RAB5A: variants seen among roughly 807,000 people sequenced by gnomAD.
RAB5A encodes the protein ras-related protein Rab-5A.
A neutral mutation model predicts 25.7 loss-of-function variants in RAB5A; 8 were observed. The ratio of observed to expected loss-of-function variants is 0.31; its 90% confidence interval spans 0.18 to 0.56. The LOEUF is 0.56. Ranked by LOEUF, RAB5A falls within the 20% of genes least tolerant of loss-of-function variation. RAB5A has a pLI of 0.91. For missense variants in RAB5A, 192 were observed against 259.7 expected (o/e 0.74, Z 1.79); for synonymous variants, 98 against 89.8 (o/e 1.09, Z -0.52).
chr3:19,965,564 C>G (rs1049566035), intron 2 of RAB5A, among the ~76,000 whole-genome samples: 7 of 152,130 alleles, frequency 4.6e-5, no homozygotes, highest in African/African-American at 1.7e-4. Context: ...GCATTGACTT[C>G]TCAATATCCT....
At chr3:19,974,217 C>T (rs1298512973) in intron 2 of RAB5A, among the ~76,000 whole-genome samples, 1 of 149,770 alleles carries the variant, frequency 6.7e-6, no homozygotes, top group Admixed American at 6.7e-5. Flanking sequence ...TGCAGTGGTG[C>T]GATCTCAGCT....
rs1187745243 is a variant in RAB5A at position 19,974,569 on chromosome 3, T to A, written c.164-1032T>A. ...TATTGAATCAACTGAACAAATTAAATCTAGGTTAAGGTAATAATGACTACC... is the reference window on the plus strand; with the variant it reads ...TATTGAATCAACTGAACAAATTAAAACTAGGTTAAGGTAATAATGACTACC... On this transcript the variant is annotated intron_variant, in intron 2 of 5. Coordinates refer to ENST00000273047, the MANE Select transcript of RAB5A (RefSeq NM_004162.5). Among the ~76,000 whole-genome samples, 3 of 151,874 alleles carry A rather than the reference T, an allele frequency of 2.0e-5. No homozygotes were observed. In the East Asian group the frequency reaches 5.8e-4, roughly 29 times the overall value.
Position 19,984,119 on chromosome 3 carries a change from G to A in RAB5A, c.*296G>A. On this transcript the variant is annotated 3_prime_UTR_variant, in exon 6 of 6. Coordinates refer to ENST00000273047, the MANE Select transcript of RAB5A (RefSeq NM_004162.5). The stretch of plus-strand genomic sequence containing the variant: ...TAGGAATATAGACAAATGACTGTCT[G>A]GGCCCACACAGTTAACCAGCCCATT... 2.4e-6 allele frequency: 1 copy of A among 410,218 alleles called. No individual in the cohort carries two copies. The highest frequency in any genetic ancestry group is 4.0e-5 in the Admixed American group (1 of 24,868). 25.4% of individuals were successfully genotyped at this position (410,218 alleles called of 1,614,324 possible). A position where few individuals can be genotyped will look rare whatever the true frequency, so the allele number is the denominator to read the frequency against.
chr3:19,971,477 GGTT>G (rs903046324), intron 2 of RAB5A, among the ~76,000 whole-genome samples: 5 of 151,892 alleles, frequency 3.3e-5, no homozygotes, highest in East Asian at 3.9e-4. Flanking sequence ...TGGTGGTGGT[GGTT>G]GTTGTTTTGA....
chr3:19,973,459 C>CT (rs1481938036), intron 2 of RAB5A, among the ~76,000 whole-genome samples: 2 of 150,274 alleles, frequency 1.3e-5, no homozygotes, highest in African/African-American at 4.9e-5. Flanking sequence ...TCCTCTTTTC[C>CT]TTTTTGGTAA....
chr3:19,975,461 CT>C (rs1199735908), intron 2 of RAB5A, 139 bp from the exon 3 acceptor site: 35 of 734,650 alleles, frequency 4.8e-5, no homozygotes, highest in Non-Finnish European at 6.6e-5. Flanking sequence ...TCATTTATTA[CT>C]TTTAACTGAC....
At chr3:19,950,290 A>G (rs138383484) in intron 1 of RAB5A, among the ~76,000 whole-genome samples, 69 of 152,320 alleles carry the variant, frequency 4.5e-4, no homozygotes, top group Middle Eastern at 3.4e-3. Flanking sequence ...CGTTTAACAG[A>G]AAACTTCAAA....
intron 2 of RAB5A, among the ~76,000 whole-genome samples, chr3:19,962,111 C>G (rs1318275956): frequency 2.0e-5 from 3 of 152,182 alleles, no homozygotes; most frequent in Non-Finnish European, 1.5e-5. Flanking sequence ...AGCTAGAACA[C>G]ACCTACATGT....
At chr3:19,971,418 C>T (rs115567454) in intron 2 of RAB5A, among the ~76,000 whole-genome samples, 3,966 of 151,920 alleles carry the variant, frequency 0.026, 163 homozygotes, top group African/African-American at 0.09. Context: ...TTTTCTCCCC[C>T]AAAATTATGC....
intron 5 of RAB5A, among the ~76,000 whole-genome samples, chr3:19,982,257 G>C (rs1348854749): frequency 6.6e-6 from 1 of 152,126 alleles, no homozygotes; most frequent in Non-Finnish European, 1.5e-5. Flanking sequence ...AAGAAGTATG[G>C]CTGCAGGCTA....
chr3:19,964,569 G>A (rs1696634526), intron 2 of RAB5A, among the ~76,000 whole-genome samples: 1 of 152,162 alleles, frequency 6.6e-6, no homozygotes, highest in Admixed American at 6.5e-5. Context: ...GTTTATTCTA[G>A]GGAGATCAGG....
chr3:19,970,962 C>T (rs967667977), intron 2 of RAB5A, among the ~76,000 whole-genome samples: 2 of 151,994 alleles, frequency 1.3e-5, no homozygotes, highest in Non-Finnish European at 2.9e-5. Flanking sequence ...TTTGGGAGGC[C>T]AAGGCGGATG....
intron 2 of RAB5A, among the ~76,000 whole-genome samples, chr3:19,972,501 G>A (rs930207690): frequency 2.6e-5 from 4 of 152,052 alleles, no homozygotes; most frequent in Admixed American, 6.5e-5. Context: ...GTTGAGGAAT[G>A]AATTGATTAT....
In RAB5A at chr3:19,967,212, T is replaced by C. The variant is rs1696673912; in HGVS notation, c.164-8389T>C. ...CAGGCTGGAGTGCCATGGCACCATC[T>C]TGGCTTGCTGCAACCTCCATCTCCT... On this transcript the variant is annotated intron_variant, in intron 2 of 5. Coordinates refer to ENST00000273047, the MANE Select transcript of RAB5A (RefSeq NM_004162.5). 2.6e-5 allele frequency among the ~76,000 whole-genome samples: 4 copies of C among 152,010 alleles called. No individual in the cohort carries two copies. The South Asian group carries it at 8.3e-4, about 32-fold the overall frequency.
chr3:19,980,728 G>C (rs1270391785), intron 5 of RAB5A, among the ~76,000 whole-genome samples: 2 of 151,878 alleles, frequency 1.3e-5, no homozygotes, highest in African/African-American at 4.8e-5. Context: ...AACATTTCTG[G>C]GGCTTTGCTT....
chr3:19,970,050 TCGGCCACCA>T, intron 2 of RAB5A, among the ~76,000 whole-genome samples: 1 of 32,550 alleles, frequency 3.1e-5, no homozygotes, highest in African/African-American at 8.7e-5. Flanking sequence ...TCCACCCACC[TCGGCCACCA>T]TGCCCGGCTA....
chr3:19,966,676 C>G (rs1048528062), intron 2 of RAB5A, among the ~76,000 whole-genome samples: 8 of 152,150 alleles, frequency 5.3e-5, no homozygotes, highest in Non-Finnish European at 1.0e-4. Context: ...CACACTTTAC[C>G]TTTTTCTCTT....
Position 19,957,416 on chromosome 3 carries a change from C to G in RAB5A, c.163+6355C>G, listed in dbSNP as rs558973812. On this transcript the variant is annotated intron_variant, in intron 2 of 5. Transcript: ENST00000273047. ...GGTGCATGGCTCATGCCTGTAATCC[C>G]AACACTTTGGGAGGCCAAAGTGGTC... is the stretch of plus-strand genomic sequence containing the variant. 3.3e-5 allele frequency among the ~76,000 whole-genome samples: 5 copies of G among 151,676 alleles called. No homozygotes were observed. In the South Asian group the frequency reaches 1.0e-3, roughly 32 times the overall value.
intron 5 of RAB5A, among the ~76,000 whole-genome samples, chr3:19,983,009 C>T (rs1359044110): frequency 1.3e-5 from 2 of 152,076 alleles, no homozygotes; most frequent in African/African-American, 2.4e-5. Context: ...ACTGGCTGGC[C>T]ATCATCTTTA....
Sources: allele counts gnomAD v4.1 joint callset (sites outside exome capture counted in the v4.1 genomes callset), GRCh38; gene constraint gnomAD v4.1.1; transcripts MANE v1.5; gene names NCBI Gene and HGNC (gene_info 2026-07-23, HGNC 2026-07-21).